MDFIC: variants seen among roughly 807,000 people sequenced by gnomAD.
The protein encoded by MDFIC is myoD family inhibitor domain-containing protein.
MDFIC carries 17 observed loss-of-function variants against 23.2 expected under a neutral mutation model. The ratio of observed to expected loss-of-function variants is 0.73; its 90% CI spans 0.50 to 1.10. The LOEUF is 1.10. Among genes scored for constraint, MDFIC ranks in the 50% least tolerant of loss-of-function variants. MDFIC has a pLI of 0.00. For missense variants in MDFIC, 356 were observed against 316.6 expected, an observed-to-expected ratio of 1.12 and a Z score of -0.95; for synonymous variants, 120 against 115.2, an observed-to-expected ratio of 1.04 and a Z score of -0.27.
chr7:114,972,057 G>T (rs900121512), intron 3 of MDFIC, among the ~76,000 whole-genome samples: 1 of 152,098 alleles, frequency 6.6e-6, no homozygotes, highest in African/African-American at 2.4e-5. Flanking sequence ...TTAGAGGCTG[G>T]GAAGCTAGGC....
chr7:115,013,193 T>C (rs1791715522), intron 4 of MDFIC, among the ~76,000 whole-genome samples: 1 of 152,178 alleles, frequency 6.6e-6, no homozygotes, highest in Non-Finnish European at 1.5e-5. Context: ...TGTACACATG[T>C]ACTGCTGTGA....
chr7:115,014,154 C>T (rs1437045100), intron 4 of MDFIC: 1 of 985,250 alleles, frequency 1.0e-6, no homozygotes, highest in Non-Finnish European at 1.2e-6. Context: ...ACATTTTCTC[C>T]TTTCATCCTC....
intron 3 of MDFIC, among the ~76,000 whole-genome samples, chr7:114,970,654 GC>G (rs1312577407): frequency 6.6e-6 from 1 of 152,094 alleles, no homozygotes; most frequent in Non-Finnish European, 1.5e-5. Context: ...TGACTTAAAG[GC>G]AGTGAGTGGG....
rs369909155 is a variant in MDFIC, at chr7:114,979,655, C to T, written c.367C>T (p.Leu123Phe). 1.2e-6 allele frequency: 2 copies of T among 1,613,908 alleles called. No individual in the cohort carries two copies. Among genetic ancestry groups the T allele is most frequent in the Admixed American group, 1.7e-5 (1 of 59,992 alleles). ...ACACGGATCCGCAGATAATCGCAAA[C>T]TTTCAGCACCTGTTTCTCAAAAAAT... is the stretch of plus-strand genomic sequence containing the variant. ...AKHGSADNRK[L>F]SAPVSQKMHR... The change falls in exon 4 of 5, where the codon CTT becomes TTT. Residue 123 changes from leucine to phenylalanine, a missense_variant. Coordinates refer to ENST00000393486, the MANE Select transcript of MDFIC (RefSeq NM_001166345.3).
At chr7:114,930,948 G>A (rs1792296572) in intron 2 of MDFIC, among the ~76,000 whole-genome samples, 1 of 152,136 alleles carries the variant, frequency 6.6e-6, no homozygotes. Context: ...TTTAACTTCA[G>A]TGATTCATTG....
chr7:114,986,032 GTTT>G (rs11314179), intron 4 of MDFIC, among the ~76,000 whole-genome samples: 1,553 of 138,382 alleles, frequency 0.011, 23 homozygotes, highest in African/African-American at 0.039. Flanking sequence ...TACCTTTGCA[GTTT>G]TTTTTTTTTT....
At chr7:114,937,363 TTG>T (rs1414098399) in intron 2 of MDFIC, among the ~76,000 whole-genome samples, 4 of 152,250 alleles carry the variant, frequency 2.6e-5, no homozygotes, top group African/African-American at 9.6e-5. Context: ...CAATTCATGT[TTG>T]TCACTTTCTT....
chr7:115,009,719 G>A (rs1337868471), intron 4 of MDFIC, among the ~76,000 whole-genome samples: 2 of 152,224 alleles, frequency 1.3e-5, no homozygotes, highest in African/African-American at 4.8e-5. Flanking sequence ...AGCTGCCTAA[G>A]CGTAACACTG....
intron 4 of MDFIC, among the ~76,000 whole-genome samples, chr7:115,010,447 A>G (rs1791659348): frequency 2.0e-5 from 3 of 152,198 alleles, no homozygotes; most frequent in African/African-American, 4.8e-5. Flanking sequence ...GTAGAATTTA[A>G]GGAACCTTTT....
At chr7:114,952,328 C>A (rs1024032973) in intron 3 of MDFIC, among the ~76,000 whole-genome samples, 25 of 152,040 alleles carry the variant, frequency 1.6e-4, no homozygotes, top group African/African-American at 4.8e-4. Flanking sequence ...ATCCAAGGCT[C>A]AGTACAGCGT....
At chr7:114,997,654 A>C (rs1214189032) in intron 4 of MDFIC, among the ~76,000 whole-genome samples, 1 of 151,666 alleles carries the variant, frequency 6.6e-6, no homozygotes, top group Non-Finnish European at 1.5e-5. Context: ...AGGCTGAGAC[A>C]GGAGCATCAC....
intron 3 of MDFIC, among the ~76,000 whole-genome samples, chr7:114,946,214 G>A (rs1419811720): frequency 7.9e-6 from 1 of 126,780 alleles, no homozygotes; most frequent in African/African-American, 2.9e-5. Context: ...GATTTCTAAG[G>A]TAGGAAGAAG....
At chr7:114,992,308 G>T (rs960185864) in intron 4 of MDFIC, among the ~76,000 whole-genome samples, 2 of 152,172 alleles carry the variant, frequency 1.3e-5, no homozygotes, top group Admixed American at 1.3e-4. Context: ...GGGACAATTT[G>T]ACTTCCTCTT....
intron 4 of MDFIC, among the ~76,000 whole-genome samples, chr7:114,997,921 C>G (rs1448531360): frequency 6.6e-6 from 1 of 152,112 alleles, no homozygotes; most frequent in Non-Finnish European, 1.5e-5. Context: ...GAGGCACTTT[C>G]AGTTTGTTCA....
chr7:114,953,279 T>A (rs73443224), intron 3 of MDFIC, among the ~76,000 whole-genome samples: 8 of 152,178 alleles, frequency 5.3e-5, no homozygotes, highest in Non-Finnish European at 8.8e-5. Context: ...TCTTTTAAAT[T>A]TATTAAATTC....
chr7:114,982,426 A>G (rs1793434027), intron 4 of MDFIC, among the ~76,000 whole-genome samples: 1 of 152,148 alleles, frequency 6.6e-6, no homozygotes, highest in Admixed American at 6.5e-5. Context: ...AGGTTGGCTC[A>G]TATCTATAAT....
chr7:115,005,579 C>G (rs1044409817), intron 4 of MDFIC, among the ~76,000 whole-genome samples: 1 of 152,106 alleles, frequency 6.6e-6, no homozygotes, highest in African/African-American at 2.4e-5. Context: ...TTTAATTTTA[C>G]CTTATTTTCC....
At chr7:115,005,742 G>A (rs980198073) in intron 4 of MDFIC, among the ~76,000 whole-genome samples, 7 of 152,204 alleles carry the variant, frequency 4.6e-5, no homozygotes, top group South Asian at 2.1e-4. Context: ...AAATTAAGGC[G>A]GAGGTATTTA....
At chr7:114,968,017 A>T (rs987220921) in intron 3 of MDFIC, among the ~76,000 whole-genome samples, 2 of 151,668 alleles carry the variant, frequency 1.3e-5, no homozygotes, top group Non-Finnish European at 2.9e-5. Context: ...GGGTCTCACT[A>T]TGTTGCCCAG....
Sources: gnomAD v4.1 joint callset for allele counts (sites outside exome capture counted in the v4.1 genomes callset) on GRCh38, gnomAD v4.1.1 for gene constraint, MANE v1.5 for transcripts, NCBI Gene and HGNC (gene_info 2026-07-23, HGNC 2026-07-21) for gene names.